Variants in CNKSR2 observed in about 807,000 individuals in gnomAD.
CNKSR2 encodes CNK homolog protein 2.
Under a neutral mutation model 84.4 loss-of-function variants are expected in CNKSR2, and 14 were observed. That is an observed-to-expected ratio of 0.17 (90% CI 0.11 to 0.26). The LOEUF (loss-of-function observed/expected upper bound fraction) is 0.26. CNKSR2 is among the 10% of genes least tolerant of loss of function. The pLI is 1.00. For missense variants in CNKSR2, 485 were observed against 771.2 expected, an observed-to-expected ratio of 0.63 and a Z score of 4.40; for synonymous variants, 275 against 277.9, an observed-to-expected ratio of 0.99 and a Z score of 0.10.
intron 21 of CNKSR2, 48 bp from the exon 22 acceptor site, chrX:21,652,258 A>C (rs749129916): frequency 1.9e-6 from 2 of 1,059,535 alleles, no homozygotes; most frequent in Non-Finnish European, 2.6e-6. Flanking sequence ...TTTAAACTTG[A>C]ATAAAACTTT....
intron 19 of CNKSR2, among the ~76,000 whole-genome samples, chrX:21,608,489 A>G (rs1251467061): frequency 8.9e-6 from 1 of 111,795 alleles, no homozygotes; most frequent in Non-Finnish European, 1.9e-5. Flanking sequence ...GCTCAAGGCT[A>G]ATGGTAATCC....
At chrX:21,382,814 T>C (rs896074765) in intron 1 of CNKSR2, among the ~76,000 whole-genome samples, 4 of 111,730 alleles carry the variant, frequency 3.6e-5, no homozygotes, top group Non-Finnish European at 3.8e-5. Context: ...CCGTTCCCTC[T>C]GATTTTGAAA....
chrX:21,606,876 C>G lies in CNKSR2; in HGVS notation c.2142C>G (p.Pro714=). The G allele has an allele frequency of 9.1e-7, 1 of 1,102,889 alleles. No individual in the cohort carries two copies. Among genetic ancestry groups the G allele is most frequent in the Admixed American group, 2.4e-5 (1 of 41,778 alleles). The allele number at this position is 1,102,889 out of a possible 1,213,427, so 90.9% of individuals were successfully genotyped here. Residue 714 remains proline, a synonymous_variant, in exon 19 of 22, where the codon CCC becomes CCG. Coordinates refer to ENST00000379510, the MANE Select transcript of CNKSR2 (RefSeq NM_014927.5). ...CATATGATACATACCCACGACCTCCCTCGGTAAGTTAGCAACAAGAACATT... is the reference window on the plus strand; with the variant it reads ...CATATGATACATACCCACGACCTCCGTCGGTAAGTTAGCAACAAGAACATT... ...PPPYDTYPRP[P]SMSCASPYVE...
At chrX:21,407,082 A>G (rs916699311) in intron 1 of CNKSR2, among the ~76,000 whole-genome samples, 3 of 111,345 alleles carry the variant, frequency 2.7e-5, no homozygotes, top group Non-Finnish European at 5.7e-5. Context: ...ACTCTTCTCC[A>G]ATTTGACAGA....
At chrX:21,479,456 A>G in intron 5 of CNKSR2, among the ~76,000 whole-genome samples, 1 of 111,515 alleles carries the variant, frequency 9.0e-6, no homozygotes, top group Non-Finnish European at 1.9e-5. Context: ...GATCAATGCT[A>G]TATATTTTTT....
intron 1 of CNKSR2, among the ~76,000 whole-genome samples, chrX:21,389,274 G>A (rs1398383383): frequency 9.5e-6 from 1 of 105,046 alleles, no homozygotes; most frequent in Admixed American, 1.1e-4. Context: ...GAAAAATAAT[G>A]AAATCCAAAT....
At chrX:21,624,532 C>T (rs1448816854) in intron 20 of CNKSR2, among the ~76,000 whole-genome samples, 2 of 110,558 alleles carry the variant, frequency 1.8e-5, no homozygotes, top group Non-Finnish European at 3.8e-5. Context: ...TTTTTTGAGA[C>T]GGAGTCTCAC....
chrX:21,544,796 T>C (rs1473514215), intron 11 of CNKSR2, among the ~76,000 whole-genome samples: 3 of 110,579 alleles, frequency 2.7e-5, no homozygotes, highest in Non-Finnish European at 5.7e-5. Context: ...GTCGGGGACC[T>C]CCCTCCCCTA....
Position 21,375,067 on chromosome X carries a change from C to A in CNKSR2, c.64+106C>A, listed in dbSNP as rs2089788330. ...CCAGAGCCCGCCACCGCGGCTTCCA[C>A]TGGCGGATCGTCGTACGCGTCGGGG... On this transcript the variant is annotated intron_variant, in intron 1 of 21. Coordinates refer to ENST00000379510, the MANE Select transcript of CNKSR2 (RefSeq NM_014927.5). The A allele has an allele frequency of 1.5e-5, 10 of 688,512 alleles. No individual in the cohort carries two copies. The South Asian group carries it at 1.5e-4, about 11-fold the overall frequency. 56.7% of individuals were successfully genotyped at this position (688,512 alleles called of 1,213,427 possible).
At chrX:21,496,115 A>G (rs747186234) in intron 6 of CNKSR2, among the ~76,000 whole-genome samples, 59 of 111,577 alleles carry the variant, frequency 5.3e-4, no homozygotes, top group African/African-American at 1.8e-3. Context: ...TGGAAAAGGT[A>G]CAATAAAAAT....
At chrX:21,392,704 C>T (rs2090067937) in intron 1 of CNKSR2, among the ~76,000 whole-genome samples, 1 of 111,135 alleles carries the variant, frequency 9.0e-6, no homozygotes, top group Non-Finnish European at 1.9e-5. Flanking sequence ...TTGCTGAAAT[C>T]GAATATAACT....
rs1431463474 is a variant in CNKSR2 at position 21,432,909 on chromosome X, G to A, written c.431+95G>A. The A allele has an allele frequency of 3.5e-6, 3 of 846,437 alleles. No individual in the cohort carries two copies. In the African/African-American group the frequency reaches 6.1e-5, roughly 17 times the overall value. 69.8% of individuals were successfully genotyped at this position (846,437 alleles called of 1,213,427 possible). On this transcript the variant is annotated intron_variant, in intron 3 of 21. Coordinates refer to ENST00000379510, the MANE Select transcript of CNKSR2 (RefSeq NM_014927.5). Reference sequence around the variant, plus strand: ...ATTTTGTTGTGAAAGGATTGGACAGGCAGAGGAGTACCAAGTAATAAATGT... The same window carrying A: ...ATTTTGTTGTGAAAGGATTGGACAGACAGAGGAGTACCAAGTAATAAATGT...
At chrX:21,444,406 C>T (rs1287806979) in intron 4 of CNKSR2, among the ~76,000 whole-genome samples, 3 of 111,412 alleles carry the variant, frequency 2.7e-5, no homozygotes, top group Non-Finnish European at 5.7e-5. Flanking sequence ...TGGGCACTGA[C>T]ATGAAGTAGA....
intron 20 of CNKSR2, among the ~76,000 whole-genome samples, chrX:21,626,476 ATG>A (rs1240708093): frequency 1.8e-5 from 2 of 111,547 alleles, no homozygotes; most frequent in Non-Finnish European, 3.8e-5. Flanking sequence ...AGATGTATTA[ATG>A]TGGGAGAATA....
chrX:21,523,103 A>C (rs1268421181), intron 9 of CNKSR2, among the ~76,000 whole-genome samples: 1 of 111,209 alleles, frequency 9.0e-6, no homozygotes, highest in African/African-American at 3.3e-5. Flanking sequence ...TTGTTTTACA[A>C]GAGTCACAAC....
At chrX:21,448,581 T>A (rs2090885251) in intron 4 of CNKSR2, among the ~76,000 whole-genome samples, 1 of 112,158 alleles carries the variant, frequency 8.9e-6, no homozygotes, top group Non-Finnish European at 1.9e-5. Flanking sequence ...TAAATTATAG[T>A]TACTATTAGG....
At chrX:21,425,897 G>T (rs752501711) in intron 1 of CNKSR2, 1 of 112,189 alleles carries the variant, frequency 8.9e-6, no homozygotes, top group Non-Finnish European at 1.9e-5. Context: ...TGAATCCAAA[G>T]AGGGTGACAG....
intron 9 of CNKSR2, among the ~76,000 whole-genome samples, chrX:21,522,004 T>C (rs924495144): frequency 2.7e-5 from 3 of 111,035 alleles, no homozygotes; most frequent in Non-Finnish European, 5.7e-5. Flanking sequence ...CCAATAATTT[T>C]CCAAATTAGA....
intron 21 of CNKSR2, among the ~76,000 whole-genome samples, chrX:21,651,693 G>A (rs759543319): frequency 3.6e-5 from 4 of 111,639 alleles, no homozygotes; most frequent in South Asian, 3.8e-4. Context: ...AACTTGGTGA[G>A]TTATACCAAA....
Sources: allele counts gnomAD v4.1 joint callset (sites outside exome capture counted in the v4.1 genomes callset), GRCh38; gene constraint gnomAD v4.1.1; transcripts MANE v1.5; gene names NCBI Gene and HGNC (gene_info 2026-07-23, HGNC 2026-07-21).